CALHM4: variants seen among roughly 807,000 people sequenced by gnomAD.
CALHM4 encodes calcium homeostasis modulator family member 4.
CALHM4 carries 16 observed loss-of-function variants against 13.3 expected under a neutral mutation model. That is an observed-to-expected ratio of 1.20 (90% CI 0.81 to 1.82). The LOEUF is 1.82. CALHM4 is among the 40% of genes most tolerant of loss of function. CALHM4 has a pLI of 0.00. For missense variants in CALHM4, 344 were observed against 374.9 expected, an observed-to-expected ratio of 0.92 and a Z score of 0.68; for synonymous variants, 127 against 137.1, an observed-to-expected ratio of 0.93 and a Z score of 0.52.
rs542719520 is a variant in CALHM4 at position 116,544,790 on chromosome 6, C to T, written c.-1+918C>T. Among the ~76,000 whole-genome samples the T allele has an allele frequency of 3.3e-5, 5 of 152,122 alleles. No individual in the cohort carries two copies. In the South Asian group the frequency reaches 1.0e-3, roughly 32 times the overall value. ...TAGTTAGTCACTACAATTCTAAACA[C>T]CAAGTCTGAAATTACTTAATTATAT... is the stretch of plus-strand genomic sequence containing the variant. On this transcript the variant is annotated intron_variant, in intron 2 of 2. Transcript: ENST00000368597.
upstream of CALHM4, among the ~76,000 whole-genome samples, chr6:116,553,295 C>A (rs193014122): frequency 5.7e-4 from 87 of 152,324 alleles, no homozygotes; most frequent in African/African-American, 1.9e-3. Context: ...GCTCTTCTAG[C>A]AGAACCCTTA....
chr6:116,547,378 C>T (rs547541938), intron 2 of CALHM4, among the ~76,000 whole-genome samples: 32 of 152,212 alleles, frequency 2.1e-4, no homozygotes, highest in African/African-American at 6.7e-4. Context: ...CGGGAGAATT[C>T]GGGATGTCAT....
chr6:116,560,596 C>T lies in CALHM4; in HGVS notation c.*2385C>T, dbSNP rs1485064736. Among the ~76,000 whole-genome samples, 1 of 140,716 alleles carries T rather than the reference C, an allele frequency of 7.1e-6. No individual in the cohort carries two copies. Among genetic ancestry groups the T allele is most frequent in the Non-Finnish European group, 1.5e-5 (1 of 66,422 alleles). The allele number at this position is 140,716 out of a possible 152,430, so 92.3% of individuals were successfully genotyped here. On this transcript the variant is annotated 3_prime_UTR_variant, in exon 2 of 2. Transcript: ENST00000368596. ...AAGGTAGTACACACCCCTGGGATTT[C>T]ATCTTACAGTACATTATCTATCTCA...
chr6:116,542,407 T>C (rs1170278549), intron 1 of CALHM4, among the ~76,000 whole-genome samples: 1 of 152,162 alleles, frequency 6.6e-6, no homozygotes, highest in Non-Finnish European at 1.5e-5. Flanking sequence ...TCAATCTTTA[T>C]GTTGTCTTTT....
At chr6:116,550,254 G>A (rs561349510), upstream of CALHM4, among the ~76,000 whole-genome samples, 3 of 151,998 alleles carry the variant, frequency 2.0e-5, no homozygotes, top group African/African-American at 7.2e-5. Flanking sequence ...GTGTGGTATA[G>A]TTTTGAGAGT....
rs1178830916 is a variant in CALHM4 at position 116,554,242 on chromosome 6, C to T, written c.449C>T (p.Ala150Val). The change falls in exon 1 of 2, where the codon GCC (alanine) becomes GTC (valine). Residue 150 changes from alanine (A) to valine (V), a missense_variant. Ala to Val is a moderately conservative substitution (Grantham distance 64). Coordinates refer to ENST00000368596, the MANE Select transcript of CALHM4 (RefSeq NM_001366078.2). ...DHYPMFDNVSASKREEILAGF... is the reference protein window; with the variant it reads ...DHYPMFDNVSVSKREEILAGF... ...TACCCAATGTTTGATAATGTCAGTGCCAGCAAACGAGAAGAGATCCTGGCT... is the reference window on the plus strand; with the variant it reads ...TACCCAATGTTTGATAATGTCAGTGTCAGCAAACGAGAAGAGATCCTGGCT... The T allele has an allele frequency of 7.1e-6, 11 of 1,550,432 alleles. No individual in the cohort carries two copies. The African/African-American group carries it at 1.1e-4, about 15-fold the overall frequency.
At chr6:116,548,131 G>A (rs1482792868) in intron 2 of CALHM4, among the ~76,000 whole-genome samples, 1 of 152,182 alleles carries the variant, frequency 6.6e-6, no homozygotes. Flanking sequence ...AAGCGATTAG[G>A]TCATGAAGGC....
chr6:116,553,614 A>G (rs1028964523), upstream of CALHM4: 5 of 615,214 alleles, frequency 8.1e-6, no homozygotes, highest in East Asian at 2.8e-5. Flanking sequence ...GCTGTAATCA[A>G]TCTGAGCTCA....
intron 2 of CALHM4, among the ~76,000 whole-genome samples, chr6:116,545,810 C>A (rs1216337660): frequency 6.6e-6 from 1 of 152,160 alleles, no homozygotes; most frequent in Non-Finnish European, 1.5e-5. Flanking sequence ...GAAGTCAGAC[C>A]TGAAGCACTG....
Position 116,558,150 on chromosome 6 carries a change from G to C in CALHM4, c.884G>C (p.Gly295Ala), listed in dbSNP as rs370109293. ...DDLQGHYSFL[G>A]NRVDEDNEED... ...TTGCAAGGTCACTATAGCTTCCTTG[G>C]AAATAGGGTGGATGAGGATAATGAG... is the stretch of plus-strand genomic sequence containing the variant. Residue 295 changes from glycine (G) to alanine (A), a missense_variant, in exon 2 of 2, where the codon GGA becomes GCA. Coordinates refer to ENST00000368596, the MANE Select transcript of CALHM4 (RefSeq NM_001366078.2). The C allele has an allele frequency of 2.8e-5, 45 of 1,614,008 alleles. No homozygotes were observed. The highest frequency in any genetic ancestry group is 3.6e-5 in the Non-Finnish European group (43 of 1,180,006).
intron 1 of CALHM4, among the ~76,000 whole-genome samples, chr6:116,533,676 G>A (rs1184065775): frequency 1.3e-5 from 2 of 152,154 alleles, no homozygotes; most frequent in African/African-American, 2.4e-5. Context: ...TACTTGTAAC[G>A]CTAGAGCTCC....
At chr6:116,536,986 A>C (rs1204962623) in intron 1 of CALHM4, among the ~76,000 whole-genome samples, 2 of 152,214 alleles carry the variant, frequency 1.3e-5, no homozygotes, top group Non-Finnish European at 2.9e-5. Context: ...CAGGTCCATA[A>C]CTAAAGTCTG....
At chr6:116,538,185 T>A (rs1456896052) in intron 1 of CALHM4, among the ~76,000 whole-genome samples, 1 of 152,216 alleles carries the variant, frequency 6.6e-6, no homozygotes, top group East Asian at 1.9e-4. Context: ...TTCAGAAGCT[T>A]TTCAGTGATT....
intron 2 of CALHM4, chr6:116,545,755 T>C: frequency 2.9e-6 from 1 of 350,712 alleles, no homozygotes; most frequent in Non-Finnish European, 5.1e-6. Flanking sequence ...ACTGCTTCAT[T>C]TGTAAGGATG....
chr6:116,550,021 T>C (rs3932483), upstream of CALHM4, among the ~76,000 whole-genome samples: 31,034 of 91,660 alleles, frequency 0.34, 5,295 homozygotes, highest in Middle Eastern at 0.54. Flanking sequence ...TATATATATA[T>C]ATATACACAC....
intron 2 of CALHM4, among the ~76,000 whole-genome samples, chr6:116,547,149 A>T (rs1179140504): frequency 1.3e-5 from 2 of 152,134 alleles, no homozygotes; most frequent in Non-Finnish European, 2.9e-5. Flanking sequence ...ACACACTCTA[A>T]TTATGTTAGA....
At chr6:116,555,339 T>A (rs1333847849) in intron 1 of CALHM4, among the ~76,000 whole-genome samples, 4 of 152,190 alleles carry the variant, frequency 2.6e-5, no homozygotes, top group Non-Finnish European at 5.9e-5. Flanking sequence ...TAAAATAATT[T>A]TCTTGCTTAA....
At chr6:116,529,251 C>T (rs1327538616) in intron 1 of CALHM4, 1 of 152,260 alleles carries the variant, frequency 6.6e-6, no homozygotes, top group African/African-American at 2.4e-5. Context: ...CGTTCCAATA[C>T]CTGGGTTTCC....
In CALHM4 at chr6:116,558,002, C is replaced by T. The variant is rs776981693; in HGVS notation, c.736C>T (p.His246Tyr). ...GCAGCACTCTCGGCTCCTCATGATG[C>T]ATCGCATAAAGAAGCTATTTGGCTT... ...AEQHSRLLMM[H>Y]RIKKLFGFIP... The change falls in exon 2 of 2, where the codon CAT becomes TAT. Residue 246 changes from histidine to tyrosine, a missense_variant. By Grantham distance (83) the His-to-Tyr change is moderately conservative (BLOSUM62 2). Coordinates refer to ENST00000368596, the MANE Select transcript of CALHM4 (RefSeq NM_001366078.2). 8.7e-6 allele frequency: 14 copies of T among 1,614,022 alleles called. No homozygotes were observed. The African/African-American group carries it at 1.3e-4, about 15-fold the overall frequency.
Sources: allele counts gnomAD v4.1 joint callset (sites outside exome capture counted in the v4.1 genomes callset), GRCh38; gene constraint gnomAD v4.1.1; transcripts MANE v1.5; gene names NCBI Gene and HGNC (gene_info 2026-07-23, HGNC 2026-07-21).